LSM10: variants seen among roughly 807,000 people sequenced by gnomAD.
The protein encoded by LSM10 is U7 snRNA-associated Sm-like protein LSm10.
LSM10 carries 4 observed loss-of-function variants against 5.2 expected under a neutral mutation model. The observed-to-expected ratio is 0.77, with a 90% CI of 0.38 to 1.77. The LOEUF (loss-of-function observed/expected upper bound fraction) is 1.77. Among genes scored for constraint, LSM10 ranks in the 40% most tolerant of loss-of-function variants. The pLI is 0.04. For synonymous variants in LSM10, 63 were observed against 67.4 expected, an observed-to-expected ratio of 0.94 and a Z score of 0.32; for missense variants, 150 against 171.6, an observed-to-expected ratio of 0.87 and a Z score of 0.70.
chr1:36,394,421 A>G (rs1647143373), intron 1 of LSM10, among the ~76,000 whole-genome samples: 1 of 151,888 alleles, frequency 6.6e-6, no homozygotes, highest in Non-Finnish European at 1.5e-5. Flanking sequence ...CTAGCTACTC[A>G]GGAGACTGAG....
At chr1:36,397,458 G>C (rs1293768377) in intron 1 of LSM10, among the ~76,000 whole-genome samples, 14 of 152,140 alleles carry the variant, frequency 9.2e-5, no homozygotes, top group Admixed American at 9.2e-4. Flanking sequence ...CAAAGGTATG[G>C]GGCTGCTGCT....
Position 36,393,909 on chromosome 1 carries a change from A to G in LSM10, c.221T>C (p.Val74Ala), listed in dbSNP as rs1157528588. The G allele has an allele frequency of 2.5e-6, 4 of 1,614,122 alleles. No homozygotes were observed. The African/African-American group carries it at 4.0e-5, about 16-fold the overall frequency. Residue 74 changes from valine (V) to alanine (A), a missense_variant, in exon 2 of 2, where the codon GTG (valine) becomes GCG (alanine). Transcript: ENST00000315732. ...GHQVKLDDLFVTGRNVRYVHI... is the reference protein window; with the variant it reads ...GHQVKLDDLFATGRNVRYVHI... ...GACGTAGCGGACATTGCGGCCTGTC[A>G]CAAAGAGGTCATCCAGCTTGACCTG... is the stretch of plus-strand genomic sequence containing the variant.
intron 1 of LSM10, among the ~76,000 whole-genome samples, chr1:36,394,495 A>G (rs1647143987): frequency 6.6e-6 from 1 of 151,714 alleles, no homozygotes; most frequent in African/African-American, 2.4e-5. Context: ...CAAGACCCCA[A>G]CTCTGATTTT....
intron 1 of LSM10, 28 bp downstream of exon 1, chr1:36,397,739 G>C (rs577814796): frequency 6.6e-6 from 1 of 152,070 alleles, no homozygotes; most frequent in Non-Finnish European, 1.5e-5. Context: ...CCGCCCCGGG[G>C]CTCCCTGCAC....
chr1:36,393,974 G>C lies in LSM10; in HGVS notation c.156C>G (p.Ile52Met). ...CCGTGTAGGTGACTTTGGCCAGGCG[G>C]ATGTTCATGAAAGCATCGACATTGT... ...RIDNVDAFMN[I>M]RLAKVTYTDR... The change falls in exon 2 of 2, where the codon ATC becomes ATG. Residue 52 changes from isoleucine to methionine, a missense_variant. Coordinates refer to ENST00000315732, the MANE Select transcript of LSM10 (RefSeq NM_032881.3). 2.5e-6 allele frequency: 4 copies of C among 1,614,220 alleles called. No homozygotes were observed. Among genetic ancestry groups the C allele is most frequent in the African/African-American group, 1.3e-5 (1 of 75,052 alleles).
Position 36,393,711 on chromosome 1 carries a change from G to T in LSM10, c.*47C>A. 6.3e-7 allele frequency: 1 copy of T among 1,599,304 alleles called. No homozygotes were observed. The highest frequency in any genetic ancestry group is 2.2e-5 in the East Asian group (1 of 44,730). On this transcript the variant is annotated 3_prime_UTR_variant, in exon 2 of 2. Transcript: ENST00000315732. Reference sequence around the variant, plus strand: ...GTGTGAGGGCAGGGAACTAGCTCCGGAGATCACTGGAGGACTCCGAGTTGG... The same window carrying T: ...GTGTGAGGGCAGGGAACTAGCTCCGTAGATCACTGGAGGACTCCGAGTTGG...
intron 1 of LSM10, among the ~76,000 whole-genome samples, chr1:36,394,519 CAAG>C: frequency 6.6e-6 from 1 of 152,122 alleles, no homozygotes; most frequent in South Asian, 2.1e-4. Context: ...AAAAAACCTA[CAAG>C]AAGGCTGGGC....
At position 36,394,287 on chromosome 1, in the gene LSM10, G is replaced by C. The variant is rs1423496810; in HGVS notation, c.-24-134C>G. The C allele has an allele frequency of 4.0e-6, 3 of 749,798 alleles. No homozygotes were observed. In the African/African-American group the frequency reaches 5.3e-5, roughly 13 times the overall value. The allele number at this position is 749,798 out of a possible 1,614,324, so 46.4% of individuals were successfully genotyped here. On this transcript the variant is annotated intron_variant, in intron 1 of 1. Coordinates refer to ENST00000315732, the MANE Select transcript of LSM10 (RefSeq NM_032881.3). Reference sequence around the variant, plus strand: ...AATTTTTGTATCTGTGGACACAGATGCTTCCCGCACATGTCTCATAGAATC... The same window carrying C: ...AATTTTTGTATCTGTGGACACAGATCCTTCCCGCACATGTCTCATAGAATC...
chr1:36,394,163 G>T lies in LSM10; in HGVS notation c.-24-10C>A. On this transcript the variant is annotated splice_polypyrimidine_tract_variant and intron_variant, in intron 1 of 1. Transcript: ENST00000315732. ...ACCAGCTGCCTGCTTGCTGTGGACA[G>T]GAGCACACAGATGGCAGCTATAGCA... The T allele has an allele frequency of 1.3e-6, 2 of 1,589,392 alleles. No homozygotes were observed. The highest frequency in any genetic ancestry group is 1.7e-6 in the Non-Finnish European group (2 of 1,168,138).
chr1:36,397,639 T>G (rs1325708560), intron 1 of LSM10, 128 bp downstream of exon 1: 1 of 152,238 alleles, frequency 6.6e-6, no homozygotes, highest in African/African-American at 2.4e-5. Context: ...GGAGCGGGTC[T>G]GGGGAAAGGA....
rs754856236 is a variant in LSM10, at chr1:36,393,789, C to A, written c.341G>T (p.Arg114Leu). The A allele has an allele frequency of 2.0e-5, 33 of 1,614,058 alleles. No homozygotes were observed. The highest frequency in any genetic ancestry group is 2.5e-5 in the Non-Finnish European group (29 of 1,180,010). The change falls in exon 2 of 2, where the codon CGG (arginine) becomes CTG (leucine). Residue 114 changes from arginine to leucine, a missense_variant. Coordinates refer to ENST00000315732, the MANE Select transcript of LSM10 (RefSeq NM_032881.3). Reference sequence around the variant, plus strand: ...ACAGTTTTTTGGGGGAAATTCCCACCGGCCTTGGCCCTTGCCACCAAAGTT... The same window carrying A: ...ACAGTTTTTTGGGGGAAATTCCCACAGGCCTTGGCCCTTGCCACCAAAGTT... ...VRNFGGKGQG[R>L]WEFPPKNCK
At chr1:36,396,490 C>G (rs61770988) in intron 1 of LSM10, among the ~76,000 whole-genome samples, 47,621 of 152,110 alleles carry the variant, frequency 0.31, 7,614 homozygotes, top group African/African-American at 0.35. Flanking sequence ...TAGTGTGTAT[C>G]AGAATCATCT....
At position 36,395,245 on chromosome 1, in the gene LSM10, G is replaced by A. The variant is rs77291036; in HGVS notation, c.-24-1092C>T. ...AAAACGATTACGGAAAGAAGGGAAA[G>A]AATTTAGAGAAACAATAATTATAAA... On this transcript the variant is annotated intron_variant, in intron 1 of 1. Coordinates refer to ENST00000315732, the MANE Select transcript of LSM10 (RefSeq NM_032881.3). Among the ~76,000 whole-genome samples, 1,117 of 152,128 alleles carry A rather than the reference G, an allele frequency of 7.3e-3. 10 individuals carry two copies. The highest frequency in any genetic ancestry group is 0.026 in the African/African-American group (1,065 of 41,478).
chr1:36,397,005 A>G (rs6679885), intron 1 of LSM10, among the ~76,000 whole-genome samples: 47,497 of 151,740 alleles, frequency 0.31, 7,599 homozygotes, highest in African/African-American at 0.35. Context: ...TGAATTGGGG[A>G]AAAAAACCCC....
At chr1:36,396,127 G>A (rs968899900) in intron 1 of LSM10, among the ~76,000 whole-genome samples, 2 of 132,364 alleles carry the variant, frequency 1.5e-5, no homozygotes. Context: ...GGGGGCTGAG[G>A]CAGGAGAATG....
chr1:36,395,163 C>A (rs114725890), intron 1 of LSM10, among the ~76,000 whole-genome samples: 4,308 of 152,090 alleles, frequency 0.028, 76 homozygotes, highest in East Asian at 0.054. Flanking sequence ...GAAAAGGATG[C>A]CTTTTATGGC....
chr1:36,395,021 T>C (rs141784496), intron 1 of LSM10, among the ~76,000 whole-genome samples: 1,925 of 152,138 alleles, frequency 0.013, 48 homozygotes, highest in African/African-American at 0.044. Context: ...GCAGGAGAAT[T>C]GCTTGAACCC....
In LSM10 at chr1:36,394,165, A is replaced by G. The variant is rs772310717; in HGVS notation, c.-24-12T>C. 1 of 1,588,820 alleles carries G rather than the reference A, an allele frequency of 6.3e-7. No individual in the cohort carries two copies. The highest frequency in any genetic ancestry group is 8.6e-7 in the Non-Finnish European group (1 of 1,167,872). ...CAGCTGCCTGCTTGCTGTGGACAGGAGCACACAGATGGCAGCTATAGCAGG... is the reference window on the plus strand; with the variant it reads ...CAGCTGCCTGCTTGCTGTGGACAGGGGCACACAGATGGCAGCTATAGCAGG... On this transcript the variant is annotated splice_polypyrimidine_tract_variant and intron_variant, in intron 1 of 1. Coordinates refer to ENST00000315732, the MANE Select transcript of LSM10 (RefSeq NM_032881.3).
At chr1:36,394,538 G>C (rs1487040652) in intron 1 of LSM10, among the ~76,000 whole-genome samples, 1 of 152,164 alleles carries the variant, frequency 6.6e-6, no homozygotes, top group African/African-American at 2.4e-5. Flanking sequence ...TGGGCATGGT[G>C]GCTCACGCCT....
Sources: gnomAD v4.1 joint callset for allele counts (sites outside exome capture counted in the v4.1 genomes callset) on GRCh38, gnomAD v4.1.1 for gene constraint, MANE v1.5 for transcripts, NCBI Gene and HGNC (gene_info 2026-07-23, HGNC 2026-07-21) for gene names.